Variants in SRF observed in about 807,000 individuals in gnomAD.
SRF encodes c-fos serum response element-binding transcription factor.
A neutral mutation model predicts 37.1 loss-of-function variants in SRF; 7 were observed. The observed-to-expected ratio is 0.19, with a 90% CI of 0.11 to 0.35. SRF has a LOEUF of 0.35. Among genes scored for constraint, SRF ranks in the 10% least tolerant of loss-of-function variants. The probability of loss-of-function intolerance (pLI) is 1.00; values close to 1 mark genes in which losing one functional copy is unlikely to be tolerated. For synonymous variants in SRF, 285 were observed against 310.1 expected, an observed-to-expected ratio of 0.92 and a Z score of 0.85; for missense variants, 395 against 694.4, an observed-to-expected ratio of 0.57 and a Z score of 4.85.
In SRF at chr6:43,173,066, G is replaced by A. The variant is rs1186046485; in HGVS notation, c.514-781G>A. Among the ~76,000 whole-genome samples the A allele has an allele frequency of 6.6e-6, 1 of 152,196 alleles. No homozygotes were observed. Among genetic ancestry groups the A allele is most frequent in the Admixed American group, 6.5e-5 (1 of 15,280 alleles). On this transcript the variant is annotated intron_variant, in intron 1 of 6. Coordinates refer to ENST00000265354, the MANE Select transcript of SRF (RefSeq NM_003131.4). This position sits in a 1 kb window ranked among gnomAD's most constrained non-coding sequence, Gnocchi z 4.2. Reference sequence around the variant, plus strand: ...CTGGTGTTTATTTCTGTCCCATGTAGAAACCAGAGCTGCTTCCAAGGTGGT... The same window carrying A: ...CTGGTGTTTATTTCTGTCCCATGTAAAAACCAGAGCTGCTTCCAAGGTGGT...
chr6:43,173,596 C>T lies in SRF; in HGVS notation c.514-251C>T, dbSNP rs1015742635. 2.0e-5 allele frequency among the ~76,000 whole-genome samples: 3 copies of T among 152,074 alleles called. No individual in the cohort carries two copies. The highest frequency in any genetic ancestry group is 6.6e-5 in the Admixed American group (1 of 15,266). ...TCGTATCCCCTGAAGTTATATGTTCCATCACTGGGGGCTGTTACTGTTTGC... is the reference window on the plus strand; with the variant it reads ...TCGTATCCCCTGAAGTTATATGTTCTATCACTGGGGGCTGTTACTGTTTGC... On this transcript the variant is annotated intron_variant, in intron 1 of 6. Transcript: ENST00000265354. This position sits in a 1 kb window ranked among gnomAD's most constrained non-coding sequence, Gnocchi z 4.2.
chr6:43,172,008 G>A lies in SRF; in HGVS notation c.352G>A (p.Ala118Thr). The part of the protein sequence containing the change: ...GMVVGGPEAS[A>T]AATGGYGPVS... ...GGTGGTCGGTGGGCCCGAGGCGTCG[G>A]CAGCGGCCACCGGGGGCTACGGGCC... Residue 118 changes from alanine (A) to threonine (T), a missense_variant, in exon 1 of 7, where the codon GCA (alanine) becomes ACA (threonine). Ala to Thr is a moderately conservative substitution (Grantham distance 58, BLOSUM62 0). Coordinates refer to ENST00000265354, the MANE Select transcript of SRF (RefSeq NM_003131.4). This position sits in a 1 kb window ranked among gnomAD's most constrained non-coding sequence, Gnocchi z 5.7. 6.3e-7 allele frequency: 1 copy of A among 1,580,916 alleles called. No individual in the cohort carries two copies. Among genetic ancestry groups the A allele is most frequent in the Non-Finnish European group, 8.6e-7 (1 of 1,165,050 alleles).
At position 43,171,847 on chromosome 6, in the gene SRF, C is replaced by G; in HGVS notation, c.191C>G (p.Ala64Gly). The G allele has an allele frequency of 2.4e-6, 3 of 1,262,992 alleles. No homozygotes were observed. In the South Asian group the frequency reaches 9.2e-5, roughly 39 times the overall value. The allele number at this position is 1,262,992 out of a possible 1,614,324, so 78.2% of individuals were successfully genotyped here. ...CTGGAGCGGGAGGCTGCGGCAGCGG[C>G]GGCAACCACCCCGGCGCCCACCGCG... ...GRLEREAAAA[A>G]ATTPAPTAGA... The change falls in exon 1 of 7, where the codon GCG (alanine) becomes GGG (glycine). Residue 64 changes from alanine (A) to glycine (G), a missense_variant. Physicochemically the swap from Ala to Gly is moderately conservative, Grantham distance 60. Coordinates refer to ENST00000265354, the MANE Select transcript of SRF (RefSeq NM_003131.4). This position sits in a 1 kb window ranked among gnomAD's most constrained non-coding sequence, Gnocchi z 6.5.
In SRF at chr6:43,172,259, A is replaced by G; in HGVS notation, c.513+90A>G. On this transcript the variant is annotated intron_variant, in intron 1 of 6. Transcript: ENST00000265354. This position sits in a 1 kb window ranked among gnomAD's most constrained non-coding sequence, Gnocchi z 5.7. ...CGGGAGGACCGCAGAGCCGAGGCGGAGGTGAGAGGCTGCGAGTCCGCAGGA... is the reference window on the plus strand; with the variant it reads ...CGGGAGGACCGCAGAGCCGAGGCGGGGGTGAGAGGCTGCGAGTCCGCAGGA... The G allele has an allele frequency of 1.4e-6, 2 of 1,422,584 alleles. No homozygotes were observed. Among genetic ancestry groups the G allele is most frequent in the East Asian group, 3.0e-5 (1 of 32,862 alleles). The allele number at this position is 1,422,584 out of a possible 1,614,324, so 88.1% of individuals were successfully genotyped here.
At chr6:43,177,258 C>T (rs1311828762) in intron 4 of SRF, among the ~76,000 whole-genome samples, 10 of 101,104 alleles carry the variant, frequency 9.9e-5, no homozygotes, top group African/African-American at 3.7e-4. Flanking sequence ...GACGGAGTCT[C>T]GCTCTCTGTC....
Position 43,172,541 on chromosome 6 carries a change from G to T in SRF, c.513+372G>T, listed in dbSNP as rs886096595. 4 of 866,636 alleles carry T rather than the reference G, an allele frequency of 4.6e-6. No individual in the cohort carries two copies. Among genetic ancestry groups the T allele is most frequent in the Admixed American group, 6.2e-5 (1 of 16,114 alleles). The allele number at this position is 866,636 out of a possible 1,614,324, so 53.7% of individuals were successfully genotyped here. The stretch of plus-strand genomic sequence containing the variant: ...GTAGGTCCAGTGCACTCCGGTGTTC[G>T]GACGAGGGCGCCGGAAAAGCAGGGA... On this transcript the variant is annotated intron_variant, in intron 1 of 6. Transcript: ENST00000265354. This position sits in a 1 kb window ranked among gnomAD's most constrained non-coding sequence, Gnocchi z 5.7.
chr6:43,175,643 C>T, intron 2 of SRF, 63 bp from the exon 3 acceptor site: 2 of 1,599,348 alleles, frequency 1.3e-6, no homozygotes, highest in South Asian at 1.1e-5. Flanking sequence ...TCAGTCCACA[C>T]AAAGCTTCTG....
At position 43,172,562 on chromosome 6, in the gene SRF, A is replaced by T. The variant is rs1186266269; in HGVS notation, c.513+393A>T. The T allele has an allele frequency of 7.3e-6, 5 of 688,340 alleles. No individual in the cohort carries two copies. Among genetic ancestry groups the T allele is most frequent in the Non-Finnish European group, 8.9e-6 (5 of 558,714 alleles). 42.6% of individuals were successfully genotyped at this position (688,340 alleles called of 1,614,324 possible). Reference sequence around the variant, plus strand: ...GTTCGGACGAGGGCGCCGGAAAAGCAGGGAGCAAACGAGAAGGTATGGAGG... The same window carrying T: ...GTTCGGACGAGGGCGCCGGAAAAGCTGGGAGCAAACGAGAAGGTATGGAGG... On this transcript the variant is annotated intron_variant, in intron 1 of 6. Coordinates refer to ENST00000265354, the MANE Select transcript of SRF (RefSeq NM_003131.4). The surrounding 1 kb of genome is among the most constrained non-coding windows in gnomAD (Gnocchi z 5.7).
chr6:43,174,850 C>T (rs1337760667), intron 2 of SRF, among the ~76,000 whole-genome samples: 1 of 152,226 alleles, frequency 6.6e-6, no homozygotes, highest in Non-Finnish European at 1.5e-5. Flanking sequence ...CTGGTTGACT[C>T]ATTTCGGGTC....
chr6:43,179,092 C>T lies in SRF; in HGVS notation c.1432-3C>T, dbSNP rs370218229. 5 of 1,613,910 alleles carry T rather than the reference C, an allele frequency of 3.1e-6. No individual in the cohort carries two copies. The African/African-American group carries it at 5.3e-5, about 17-fold the overall frequency. ...CCCTCCTCATACATCCCCTTCCCTC[C>T]AGATGGCTGTGATAGGGCAGCAGGC... On this transcript the variant is annotated splice_region_variant and splice_polypyrimidine_tract_variant and intron_variant, in intron 6 of 6. Coordinates refer to ENST00000265354, the MANE Select transcript of SRF (RefSeq NM_003131.4). This position sits in a 1 kb window ranked among gnomAD's most constrained non-coding sequence, Gnocchi z 5.3.
Position 43,176,159 on chromosome 6 carries a change from C to T in SRF, c.1042+192C>T, listed in dbSNP as rs780179390. 6.6e-6 allele frequency among the ~76,000 whole-genome samples: 1 copy of T among 152,196 alleles called. No individual in the cohort carries two copies. The highest frequency in any genetic ancestry group is 1.5e-5 in the Non-Finnish European group (1 of 68,038). ...CTCTGCCCACTGAGACCCCTGCTGT[C>T]CTTGTCAGTAAGTTTCAACCATATA... On this transcript the variant is annotated intron_variant, in intron 3 of 6. Coordinates refer to ENST00000265354, the MANE Select transcript of SRF (RefSeq NM_003131.4). The surrounding 1 kb of genome is among the most constrained non-coding windows in gnomAD (Gnocchi z 4.0).
chr6:43,179,513 A>G lies in SRF; in HGVS notation c.*323A>G, dbSNP rs1196783876. 3 of 348,942 alleles carry G rather than the reference A, an allele frequency of 8.6e-6. No individual in the cohort carries two copies. The highest frequency in any genetic ancestry group is 2.6e-5 in the South Asian group (1 of 37,738). The allele number at this position is 348,942 out of a possible 1,614,324, so 21.6% of individuals were successfully genotyped here. ...AGCTTACCCAATGGGACCGTGCCCC[A>G]CCTCCCCACACACAGGCCTTCTGTG... On this transcript the variant is annotated 3_prime_UTR_variant, in exon 7 of 7. Transcript: ENST00000265354. The surrounding 1 kb of genome is among the most constrained non-coding windows in gnomAD (Gnocchi z 5.3).
chr6:43,175,950 G>C lies in SRF; in HGVS notation c.1025G>C (p.Ser342Thr). 6.2e-7 allele frequency: 1 copy of C among 1,612,952 alleles called. No individual in the cohort carries two copies. The highest frequency in any genetic ancestry group is 1.1e-5 in the South Asian group (1 of 91,072). ...GGGGGCCTTATGCAGCTGCCTACCA[G>C]CTTCACCCTCATGCCTGGTGAGTCA... is the stretch of plus-strand genomic sequence containing the variant. ...SSGGLMQLPT[S>T]FTLMPGGAVA... Residue 342 changes from serine to threonine, a missense_variant, in exon 3 of 7, where the codon AGC (serine) becomes ACC (threonine). Ser to Thr is a moderately conservative substitution (Grantham distance 58). This residue lies in a region of SRF where 232 missense variants were observed against 335.6 expected (regional missense o/e 0.69). Coordinates refer to ENST00000265354, the MANE Select transcript of SRF (RefSeq NM_003131.4).
chr6:43,179,245 T>A lies in SRF; in HGVS notation c.*55T>A. 1 of 1,594,396 alleles carries A rather than the reference T, an allele frequency of 6.3e-7. No individual in the cohort carries two copies. Among genetic ancestry groups the A allele is most frequent in the Non-Finnish European group, 8.6e-7 (1 of 1,163,672 alleles). On this transcript the variant is annotated 3_prime_UTR_variant, in exon 7 of 7. Coordinates refer to ENST00000265354, the MANE Select transcript of SRF (RefSeq NM_003131.4). The surrounding 1 kb of genome is among the most constrained non-coding windows in gnomAD (Gnocchi z 5.3). ...AGGGATGGCACCACTTATTTATTGT[T>A]GCCTTTTCACGTTTTCTTTACACAC...
rs2150496587 is a variant in SRF, at chr6:43,176,400, GC to G, written c.1043-146del. The G allele has an allele frequency of 8.0e-7, 1 of 1,256,812 alleles. No homozygotes were observed. Among genetic ancestry groups the G allele is most frequent in the East Asian group, 2.3e-5 (1 of 42,568 alleles). 77.9% of individuals were successfully genotyped at this position (1,256,812 alleles called of 1,614,324 possible). The stretch of plus-strand genomic sequence containing the variant: ...GGAAGCCCCCAGAGTGGATACTTGG[GC>G]CTGAAGGGCCTCTTTGGCTTCCAGG... On this transcript the variant is annotated intron_variant, in intron 3 of 6. Transcript: ENST00000265354. The surrounding 1 kb of genome is among the most constrained non-coding windows in gnomAD (Gnocchi z 4.0).
chr6:43,171,904 C>A lies in SRF; in HGVS notation c.248C>A (p.Ser83Ter). 7.0e-7 allele frequency: 1 copy of A among 1,419,312 alleles called. No individual in the cohort carries two copies. The highest frequency in any genetic ancestry group is 9.2e-7 in the Non-Finnish European group (1 of 1,089,852). The allele number at this position is 1,419,312 out of a possible 1,614,324, so 87.9% of individuals were successfully genotyped here. Reference sequence around the variant, plus strand: ...CTCTACAGCGGCAGCGAGGGCGACTCGGAGTCGGGCGAGGAGGAGGAGCTG... The same window carrying A: ...CTCTACAGCGGCAGCGAGGGCGACTAGGAGTCGGGCGAGGAGGAGGAGCTG... ...GALYSGSEGD[S>*]ESGEEEELGA... The change falls in exon 1 of 7, where the codon TCG becomes TAG. Residue 83 changes from serine to a stop codon, truncating the protein, a stop_gained. Transcript: ENST00000265354. LOFTEE classifies it high-confidence loss of function. This position sits in a 1 kb window ranked among gnomAD's most constrained non-coding sequence, Gnocchi z 6.5.
In SRF at chr6:43,178,401, G is replaced by T. The variant is rs1772244870; in HGVS notation, c.1270G>T (p.Gly424Cys). The part of the protein sequence containing the change: ...AVMYAPTSGL[G>C]DGSLTVLNAF... ...GATGTATGCCCCCACCTCGGGCCTG[G>T]GTGATGGCAGCCTCACCGTGCTGAA... Residue 424 changes from glycine (G) to cysteine (C), a missense_variant, in exon 5 of 7, where the codon GGT becomes TGT. Physicochemically the swap from Gly to Cys is radical, Grantham distance 159. Transcript: ENST00000265354. The surrounding 1 kb of genome is among the most constrained non-coding windows in gnomAD (Gnocchi z 4.3). 1.2e-6 allele frequency: 2 copies of T among 1,614,080 alleles called. No homozygotes were observed. The highest frequency in any genetic ancestry group is 2.7e-5 in the African/African-American group (2 of 75,020).
Position 43,178,251 on chromosome 6 carries a change from A to G in SRF, c.1163-43A>G, listed in dbSNP as rs1430898468. 1 of 1,543,564 alleles carries G rather than the reference A, an allele frequency of 6.5e-7. No individual in the cohort carries two copies. Among genetic ancestry groups the G allele is most frequent in the Non-Finnish European group, 8.8e-7 (1 of 1,137,810 alleles). ...TCCTAGGGACGGAATGGGAGTTATCAGTGGGGACCAGTGCCGAGCTGACAC... is the reference window on the plus strand; with the variant it reads ...TCCTAGGGACGGAATGGGAGTTATCGGTGGGGACCAGTGCCGAGCTGACAC... On this transcript the variant is annotated intron_variant, in intron 4 of 6. Transcript: ENST00000265354. The surrounding 1 kb of genome is among the most constrained non-coding windows in gnomAD (Gnocchi z 4.3).
At position 43,178,818 on chromosome 6, in the gene SRF, A is replaced by G. The variant is rs754374964; in HGVS notation, c.1367A>G (p.Gln456Arg). Reference protein sequence around the residue: ...SQVQEPGGVPQVFLTASSGTV... With the variant: ...SQVQEPGGVPRVFLTASSGTV... ...TTTTCCAATGTAGGTGGCGTCCCCC[A>G]GGTGTTCCTGACAGCATCATCTGGG... Residue 456 changes from glutamine (Q) to arginine (R), a missense_variant, in exon 6 of 7, where the codon CAG becomes CGG. This residue lies in a region of SRF where 232 missense variants were observed against 335.6 expected (regional missense o/e 0.69). Transcript: ENST00000265354. The surrounding 1 kb of genome is among the most constrained non-coding windows in gnomAD (Gnocchi z 4.3). 6.2e-7 allele frequency: 1 copy of G among 1,614,214 alleles called. No individual in the cohort carries two copies. Among genetic ancestry groups the G allele is most frequent in the South Asian group, 1.1e-5 (1 of 91,080 alleles).
Sources: gnomAD v4.1 joint callset for allele counts (sites outside exome capture counted in the v4.1 genomes callset) on GRCh38, gnomAD v4.1.1 for gene constraint, gnomAD v4.1.1 regional missense constraint, Gnocchi (gnomAD v3.1) non-coding constraint, MANE v1.5 for transcripts, NCBI Gene and HGNC (gene_info 2026-07-23, HGNC 2026-07-21) for gene names.